Variants in GPR161 observed in about 807,000 individuals in gnomAD.
The protein encoded by GPR161 is G protein-coupled receptor 161.
In GPR161, 25 loss-of-function variants were observed where a neutral mutation model predicts 39.2. That is an observed-to-expected ratio of 0.64 (90% confidence interval 0.47 to 0.89). GPR161 has a LOEUF of 0.89. Among genes scored for constraint, GPR161 ranks in the 40% least tolerant of loss-of-function variants. The pLI is 0.00. For missense variants in GPR161, 547 were observed against 677.8 expected (o/e 0.81, Z 2.14); for synonymous variants, 286 against 276.6 (o/e 1.03, Z -0.34).
intron 1 of GPR161, among the ~76,000 whole-genome samples, chr1:168,132,699 G>A (rs1463428036): frequency 6.6e-6 from 1 of 152,172 alleles, no homozygotes; most frequent in Non-Finnish European, 1.5e-5. Context: ...TTCTGAAAGA[G>A]AGAAAACAGA....
intron 1 of GPR161, among the ~76,000 whole-genome samples, chr1:168,122,875 T>G (rs1399037883): frequency 6.6e-6 from 1 of 152,226 alleles, no homozygotes; most frequent in African/African-American, 2.4e-5. Flanking sequence ...TGTCTTACTC[T>G]TTCACAAGAC....
intron 1 of GPR161, among the ~76,000 whole-genome samples, chr1:168,120,019 C>T (rs539083676): frequency 2.0e-5 from 3 of 152,344 alleles, no homozygotes; most frequent in East Asian, 3.9e-4. Flanking sequence ...GAGCCCCACA[C>T]GCTAGGGGCA....
chr1:168,096,919 C>A lies in GPR161; in HGVS notation c.688G>T (p.Val230Leu), dbSNP rs756165153. 1.5e-5 allele frequency: 24 copies of A among 1,614,036 alleles called. No homozygotes were observed. Among genetic ancestry groups the A allele is most frequent in the Middle Eastern group, 1.6e-4 (1 of 6,084 alleles). Residue 230 changes from valine to leucine, a missense_variant, in exon 3 of 6, where the codon GTG becomes TTG. Coordinates refer to ENST00000682931, the MANE Select transcript of GPR161 (RefSeq NM_001375883.1). ...RKVHCGTVVI[V>L]EEDAQRTGRK... ...CCGGTCCTCTGAGCATCCTCCTCCA[C>A]GATGACGACTGTGCCACAGTGCACC...
chr1:168,112,600 G>A (rs1394727903), intron 1 of GPR161, among the ~76,000 whole-genome samples: 1 of 151,746 alleles, frequency 6.6e-6, no homozygotes, highest in Non-Finnish European at 1.5e-5. Flanking sequence ...GCTCATGCCT[G>A]TAATTCCAGC....
At chr1:168,129,317 G>A (rs1490668654) in intron 1 of GPR161, among the ~76,000 whole-genome samples, 1 of 152,238 alleles carries the variant, frequency 6.6e-6, no homozygotes, top group African/African-American at 2.4e-5. Context: ...TAGCAAGAAA[G>A]CTGGAGAGGA....
rs998212646 is a variant in GPR161, at chr1:168,084,881, G to A, written c.*650C>T. On this transcript the variant is annotated 3_prime_UTR_variant, in exon 6 of 6. Transcript: ENST00000682931. ...AACTTGTCAGTAGGGAAGTAGGCAG[G>A]GTGGGCCAGTCTGCAAGAGGCCTGT... 2.2e-6 allele frequency: 1 copy of A among 456,262 alleles called. No individual in the cohort carries two copies. The highest frequency in any genetic ancestry group is 4.4e-6 in the Non-Finnish European group (1 of 226,966). 28.3% of individuals were successfully genotyped at this position (456,262 alleles called of 1,614,324 possible). A position where few individuals can be genotyped will look rare whatever the true frequency, so the allele number is the denominator to read the frequency against.
At chr1:168,105,378 C>A (rs370831511) in intron 1 of GPR161, among the ~76,000 whole-genome samples, 1 of 152,286 alleles carries the variant, frequency 6.6e-6, no homozygotes, top group East Asian at 1.9e-4. Flanking sequence ...TCAGGGTGGG[C>A]CCTGAACCAG....
intron 2 of GPR161, among the ~76,000 whole-genome samples, chr1:168,099,124 A>G (rs558008296): frequency 5.3e-5 from 8 of 152,202 alleles, no homozygotes; most frequent in Admixed American, 3.9e-4. Context: ...AAAGCCCTAC[A>G]CTGCTCCTGC....
At chr1:168,135,826 T>C (rs916326578) in intron 1 of GPR161, among the ~76,000 whole-genome samples, 1 of 152,130 alleles carries the variant, frequency 6.6e-6, no homozygotes, top group Admixed American at 6.5e-5. Context: ...ACCACACACC[T>C]CCTCACGGCT....
rs1168689827 is a variant in GPR161 at position 168,080,669 on chromosome 1, G to A, written c.*4862C>T. ...CACTCTGTCACTACAGGACAGAGCT[G>A]TCCTCAGCAACCAAGGGCATTTCTC... On this transcript the variant is annotated 3_prime_UTR_variant, in exon 6 of 6. Transcript: ENST00000682931. 1.3e-5 allele frequency: 2 copies of A among 152,172 alleles called. No homozygotes were observed. Among genetic ancestry groups the A allele is most frequent in the East Asian group, 1.9e-4 (1 of 5,196 alleles). 9.4% of individuals were successfully genotyped at this position (152,172 alleles called of 1,614,324 possible). A position where few individuals can be genotyped will look rare whatever the true frequency, so the allele number is the denominator to read the frequency against.
At chr1:168,119,917 A>G (rs1252684693) in intron 1 of GPR161, among the ~76,000 whole-genome samples, 1 of 152,160 alleles carries the variant, frequency 6.6e-6, no homozygotes, top group Admixed American at 6.5e-5. Context: ...ATGTATGGAA[A>G]TGCCTGAATG....
rs536654315 is a variant in GPR161, at chr1:168,135,779, T to C, written c.-45+960A>G. On this transcript the variant is annotated intron_variant, in intron 1 of 5. Coordinates refer to ENST00000682931, the MANE Select transcript of GPR161 (RefSeq NM_001375883.1). ...TCACCGGAGGTTATCGGTGTCTCCA[T>C]TGGACAATCAAGGAACTGAGGTTCT... Among the ~76,000 whole-genome samples, 19 of 152,284 alleles carry C rather than the reference T, an allele frequency of 1.2e-4. No homozygotes were observed. The South Asian group carries it at 2.1e-3, about 17-fold the overall frequency.
intron 1 of GPR161, among the ~76,000 whole-genome samples, chr1:168,126,708 C>A (rs912085562): frequency 3.3e-5 from 5 of 152,184 alleles, no homozygotes; most frequent in Admixed American, 3.3e-4. Context: ...CCCACCATGG[C>A]TGCTCAAACT....
At chr1:168,131,128 C>A (rs778913250) in intron 1 of GPR161, among the ~76,000 whole-genome samples, 2 of 152,182 alleles carry the variant, frequency 1.3e-5, no homozygotes, top group African/African-American at 4.8e-5. Flanking sequence ...TTCATCCTCA[C>A]TGCCACTACC....
At chr1:168,102,811 AG>A (rs1482468805) in intron 2 of GPR161, among the ~76,000 whole-genome samples, 2 of 151,276 alleles carry the variant, frequency 1.3e-5, no homozygotes, top group Non-Finnish European at 2.9e-5. Flanking sequence ...CCCAGGGCCC[AG>A]AAAGGGATGT....
chr1:168,111,985 G>C (rs1697213048), intron 1 of GPR161, among the ~76,000 whole-genome samples: 1 of 149,224 alleles, frequency 6.7e-6, no homozygotes, highest in Non-Finnish European at 1.5e-5. Context: ...AAAGAGGCCA[G>C]AAAACAATGG....
At chr1:168,104,437 T>C (rs1355168306) in intron 2 of GPR161, 40 bp downstream of exon 2, 4 of 1,546,946 alleles carry the variant, frequency 2.6e-6, no homozygotes, top group Non-Finnish European at 3.6e-6. Flanking sequence ...TGAGCGCCCG[T>C]CAGTAATCCC....
At chr1:168,110,531 AGGAAAG>A (rs1697037764) in intron 1 of GPR161, among the ~76,000 whole-genome samples, 24 of 95,858 alleles carry the variant, frequency 2.5e-4, no homozygotes, top group African/African-American at 1.1e-3. Flanking sequence ...AACGAAAGAA[AGGAAAG>A]GAAAGAAAAG....
chr1:168,085,899 A>T (rs1225401630), intron 5 of GPR161, 103 bp from the exon 6 acceptor site: 2 of 1,006,050 alleles, frequency 2.0e-6, no homozygotes, highest in Non-Finnish European at 2.9e-6. Flanking sequence ...AGGGAGACAA[A>T]CCGCAGTTAA....
Sources: gnomAD v4.1 joint callset for allele counts (sites outside exome capture counted in the v4.1 genomes callset) on GRCh38, gnomAD v4.1.1 for gene constraint, MANE v1.5 for transcripts, NCBI Gene and HGNC (gene_info 2026-07-23, HGNC 2026-07-21) for gene names.